GAL3ST2: variants seen among roughly 807,000 people sequenced by gnomAD.
The protein encoded by GAL3ST2 is beta-galactose-3-O-sulfotransferase 2.
In GAL3ST2, 16 loss-of-function variants were observed where a neutral mutation model predicts 12.9. The ratio of observed to expected loss-of-function variants is 1.24; its 90% CI spans 0.84 to 1.88. The LOEUF is 1.88. Among genes scored for constraint, GAL3ST2 ranks in the 40% most tolerant of loss-of-function variants. The pLI, the probability that GAL3ST2 is intolerant of heterozygous loss-of-function variation, is 0.00. For synonymous variants in GAL3ST2, 302 were observed against 273.9 expected, an observed-to-expected ratio of 1.10 and a Z score of -1.01; for missense variants, 639 against 571.8, an observed-to-expected ratio of 1.12 and a Z score of -1.20.
rs1471632495 is a variant in GAL3ST2 at position 241,802,152 on chromosome 2, G to A, written c.375+116G>A. 30 of 1,300,154 alleles carry A rather than the reference G, an allele frequency of 2.3e-5. No homozygotes were observed. In the South Asian group the frequency reaches 4.4e-4, roughly 19 times the overall value. The allele number at this position is 1,300,154 out of a possible 1,614,324, so 80.5% of individuals were successfully genotyped here. On this transcript the variant is annotated intron_variant, in intron 3 of 3. Transcript: ENST00000192314. This position sits in a 1 kb window ranked among gnomAD's most constrained non-coding sequence, Gnocchi z 4.8. ...AGTGTAAGGCTTGGGGGCGGGGCGT[G>A]CAGAAGGCGGGTTGGGAGGGCCTGG...
chr2:241,778,881 T>G (rs1484480913), intron 1 of GAL3ST2, among the ~76,000 whole-genome samples: 1 of 151,892 alleles, frequency 6.6e-6, no homozygotes. Context: ...AAGAGACAAA[T>G]GGTTGCATTC....
Position 241,793,387 on chromosome 2 carries a change from CAT to C in GAL3ST2, c.30-5677_30-5676del, listed in dbSNP as rs1216373813. ...TGTGTGTATGTATGTATTGTGTATGCATGTGTGTGTATATGTATGTATACATG... is the reference window on the plus strand; with the variant it reads ...TGTGTGTATGTATGTATTGTGTATGCGTGTGTGTATATGTATGTATACATG... On this transcript the variant is annotated intron_variant, in intron 1 of 3. Transcript: ENST00000192314. This position sits in a 1 kb window ranked among gnomAD's most constrained non-coding sequence, Gnocchi z 4.7. 6.6e-6 allele frequency among the ~76,000 whole-genome samples: 1 copy of C among 150,818 alleles called. No individual in the cohort carries two copies. Among genetic ancestry groups the C allele is most frequent in the Non-Finnish European group, 1.5e-5 (1 of 67,738 alleles).
chr2:241,803,050 C>T (rs1413525949), intron 3 of GAL3ST2, among the ~76,000 whole-genome samples: 3 of 152,154 alleles, frequency 2.0e-5, no homozygotes, highest in Non-Finnish European at 4.4e-5. Context: ...AGTGGGAGCT[C>T]CTCCTCCCTC....
Position 241,802,215 on chromosome 2 carries a change from GCGGCCAGT to G in GAL3ST2, c.375+182_375+189del, listed in dbSNP as rs1207824080. Among the ~76,000 whole-genome samples, 4 of 152,172 alleles carry G rather than the reference GCGGCCAGT, an allele frequency of 2.6e-5. No homozygotes were observed. The highest frequency in any genetic ancestry group is 2.1e-4 in the South Asian group (1 of 4,838). On this transcript the variant is annotated intron_variant, in intron 3 of 3. Transcript: ENST00000192314. This position sits in a 1 kb window ranked among gnomAD's most constrained non-coding sequence, Gnocchi z 4.8. ...GCTGAGCCAACCCCTGCCCCTCCAG[GCGGCCAGT>G]CGCCTGCCGTTGCTCTTGGAATGAG...
At chr2:241,789,099 G>C (rs572296444) in intron 1 of GAL3ST2, among the ~76,000 whole-genome samples, 3 of 152,104 alleles carry the variant, frequency 2.0e-5, no homozygotes. Flanking sequence ...CCCTAACGTC[G>C]ACCCCAAACC....
At chr2:241,777,883 C>G (rs970965751) in intron 1 of GAL3ST2, among the ~76,000 whole-genome samples, 2 of 152,106 alleles carry the variant, frequency 1.3e-5, no homozygotes, top group Non-Finnish European at 2.9e-5. Context: ...TGCCCTGGGG[C>G]CCCCCGAGGT....
chr2:241,776,839 G>C lies in GAL3ST2; in HGVS notation c.-117G>C. The C allele has an allele frequency of 2.3e-6, 2 of 856,532 alleles. No homozygotes were observed. The highest frequency in any genetic ancestry group is 3.8e-5 in the South Asian group (1 of 26,590). 53.1% of individuals were successfully genotyped at this position (856,532 alleles called of 1,614,324 possible). Reference sequence around the variant, plus strand: ...GGGATTCCAGTTCACCTGCCCCACAGCCGCACCCTGCCTGTGCCTGCACCC... The same window carrying C: ...GGGATTCCAGTTCACCTGCCCCACACCCGCACCCTGCCTGTGCCTGCACCC... On this transcript the variant is annotated 5_prime_UTR_variant, in exon 1 of 4. Transcript: ENST00000192314.
In GAL3ST2 at chr2:241,800,762, C is replaced by T. The variant is rs920259578; in HGVS notation, c.120-1019C>T. Among the ~76,000 whole-genome samples the T allele has an allele frequency of 4.6e-5, 7 of 152,276 alleles. No homozygotes were observed. Among genetic ancestry groups the T allele is most frequent in the East Asian group, 1.9e-4 (1 of 5,182 alleles). On this transcript the variant is annotated intron_variant, in intron 2 of 3. Coordinates refer to ENST00000192314, the MANE Select transcript of GAL3ST2 (RefSeq NM_022134.3). This position sits in a 1 kb window ranked among gnomAD's most constrained non-coding sequence, Gnocchi z 5.2. ...AGCGGGTGAGCTGCACCTGCTTTAACGTTGTTCGTCTCAAGGCCAGCGTTT... is the reference window on the plus strand; with the variant it reads ...AGCGGGTGAGCTGCACCTGCTTTAATGTTGTTCGTCTCAAGGCCAGCGTTT...
chr2:241,804,010 C>T lies in GAL3ST2; in HGVS notation c.1041C>T (p.Ala347=), dbSNP rs1553617242. Residue 347 remains alanine, a synonymous_variant, in exon 4 of 4, where the codon GCC becomes GCT. Coordinates refer to ENST00000192314, the MANE Select transcript of GAL3ST2 (RefSeq NM_022134.3). ...TGCGCCCCTACCAGTCCGGCAAGGC[C>T]GACATCCTGGGTTACAACCTCCGGC... ...PRLRPYQSGK[A]DILGYNLRPG... is the part of the protein sequence containing the mutation. The T allele has an allele frequency of 6.4e-7, 1 of 1,568,068 alleles. No individual in the cohort carries two copies. Among genetic ancestry groups the T allele is most frequent in the Middle Eastern group, 1.7e-4 (1 of 5,962 alleles).
chr2:241,788,466 T>G (rs890384343), intron 1 of GAL3ST2, among the ~76,000 whole-genome samples: 2 of 152,224 alleles, frequency 1.3e-5, no homozygotes, highest in Non-Finnish European at 2.9e-5. Context: ...TAAAGGGTCT[T>G]CTTTATTGCT....
chr2:241,793,633 TTG>T lies in GAL3ST2; in HGVS notation c.30-5426_30-5425del, dbSNP rs976128132. On this transcript the variant is annotated intron_variant, in intron 1 of 3. Coordinates refer to ENST00000192314, the MANE Select transcript of GAL3ST2 (RefSeq NM_022134.3). The surrounding 1 kb of genome is among the most constrained non-coding windows in gnomAD (Gnocchi z 4.7). The stretch of plus-strand genomic sequence containing the variant: ...TGTATTGTGTGTGTACATATTGTGT[TTG>T]TGTGTACATATTGTGTATGCATATG... 2.0e-5 allele frequency among the ~76,000 whole-genome samples: 3 copies of T among 149,992 alleles called. No individual in the cohort carries two copies. The highest frequency in any genetic ancestry group is 6.6e-5 in the Admixed American group (1 of 15,070).
Position 241,802,224 on chromosome 2 carries a change from C to T in GAL3ST2, c.375+188C>T, listed in dbSNP as rs894116633. On this transcript the variant is annotated intron_variant, in intron 3 of 3. Coordinates refer to ENST00000192314, the MANE Select transcript of GAL3ST2 (RefSeq NM_022134.3). The surrounding 1 kb of genome is among the most constrained non-coding windows in gnomAD (Gnocchi z 4.8). ...ACCCCTGCCCCTCCAGGCGGCCAGT[C>T]GCCTGCCGTTGCTCTTGGAATGAGA... 6.6e-6 allele frequency among the ~76,000 whole-genome samples: 1 copy of T among 152,160 alleles called. No individual in the cohort carries two copies. The highest frequency in any genetic ancestry group is 1.5e-5 in the Non-Finnish European group (1 of 68,010).
chr2:241,791,124 G>A (rs1316533925), intron 1 of GAL3ST2, among the ~76,000 whole-genome samples: 1 of 152,148 alleles, frequency 6.6e-6, no homozygotes, highest in African/African-American at 2.4e-5. Flanking sequence ...CTACCAACTT[G>A]GGCACATGTT....
rs2125198951 is a variant in GAL3ST2, at chr2:241,803,616, A to T, written c.647A>T (p.Glu216Val). 1 of 1,560,218 alleles carries T rather than the reference A, an allele frequency of 6.4e-7. No homozygotes were observed. Among genetic ancestry groups the T allele is most frequent in the Non-Finnish European group, 8.7e-7 (1 of 1,151,670 alleles). ...EEGYVRARIA[E>V]VERRFRLVLI... Reference sequence around the variant, plus strand: ...GGCTACGTGCGCGCGCGCATCGCCGAGGTGGAGCGGCGCTTCCGGCTGGTG... The same window carrying T: ...GGCTACGTGCGCGCGCGCATCGCCGTGGTGGAGCGGCGCTTCCGGCTGGTG... Residue 216 changes from glutamate (E) to valine (V), a missense_variant, in exon 4 of 4, where the codon GAG becomes GTG. Glu to Val is a moderately radical substitution (Grantham distance 121). Coordinates refer to ENST00000192314, the MANE Select transcript of GAL3ST2 (RefSeq NM_022134.3).
In GAL3ST2 at chr2:241,803,632, C is replaced by T; in HGVS notation, c.663C>T (p.Phe221=). The change falls in exon 4 of 4, where the codon TTC becomes TTT. Residue 221 remains phenylalanine, a synonymous_variant. Coordinates refer to ENST00000192314, the MANE Select transcript of GAL3ST2 (RefSeq NM_022134.3). ...RARIAEVERR[F]RLVLIAEHLD... ...GCATCGCCGAGGTGGAGCGGCGCTTCCGGCTGGTGCTCATCGCCGAGCACC... is the reference window on the plus strand; with the variant it reads ...GCATCGCCGAGGTGGAGCGGCGCTTTCGGCTGGTGCTCATCGCCGAGCACC... 2 of 1,553,544 alleles carry T rather than the reference C, an allele frequency of 1.3e-6. No homozygotes were observed. Among genetic ancestry groups the T allele is most frequent in the South Asian group, 2.4e-5 (2 of 84,760 alleles).
intron 1 of GAL3ST2, among the ~76,000 whole-genome samples, chr2:241,798,040 GC>G (rs1699794436): frequency 3.9e-5 from 6 of 152,272 alleles, no homozygotes; most frequent in African/African-American, 1.4e-4. Context: ...CCACGTGGTA[GC>G]CCCACCCCAT....
chr2:241,781,523 C>A (rs1559412276), intron 1 of GAL3ST2, among the ~76,000 whole-genome samples: 2 of 152,060 alleles, frequency 1.3e-5, no homozygotes, highest in Non-Finnish European at 2.9e-5. Flanking sequence ...CAGCCATAGT[C>A]AAAGACACAA....
chr2:241,803,374 C>G lies in GAL3ST2; in HGVS notation c.405C>G (p.Phe135Leu). The G allele has an allele frequency of 6.2e-7, 1 of 1,608,418 alleles. No homozygotes were observed. Among genetic ancestry groups the G allele is most frequent in the Non-Finnish European group, 8.5e-7 (1 of 1,176,132 alleles). ...QVQKVMPNDT[F>L]YFSILRNPVF... Reference sequence around the variant, plus strand: ...AGAAAGTCATGCCCAACGACACCTTCTACTTCTCCATCCTGAGGAACCCCG... The same window carrying G: ...AGAAAGTCATGCCCAACGACACCTTGTACTTCTCCATCCTGAGGAACCCCG... Residue 135 changes from phenylalanine (F) to leucine (L), a missense_variant, in exon 4 of 4, where the codon TTC (phenylalanine) becomes TTG (leucine). Coordinates refer to ENST00000192314, the MANE Select transcript of GAL3ST2 (RefSeq NM_022134.3).
At chr2:241,782,906 G>C (rs1371727307) in intron 1 of GAL3ST2, among the ~76,000 whole-genome samples, 1 of 152,136 alleles carries the variant, frequency 6.6e-6, no homozygotes, top group Non-Finnish European at 1.5e-5. Flanking sequence ...GGGAGGCTGA[G>C]GTGGGTGGAT....
Sources: gnomAD v4.1 joint callset for allele counts (sites outside exome capture counted in the v4.1 genomes callset) on GRCh38, gnomAD v4.1.1 for gene constraint, Gnocchi (gnomAD v3.1) non-coding constraint, MANE v1.5 for transcripts, NCBI Gene and HGNC (gene_info 2026-07-23, HGNC 2026-07-21) for gene names.